VOPP1: variants seen among roughly 807,000 people sequenced by gnomAD.
VOPP1 encodes VOPP1 WW domain binding protein.
Under a neutral mutation model 23.5 loss-of-function variants are expected in VOPP1, and 8 were observed. The observed-to-expected ratio is 0.34, with a 90% CI of 0.20 to 0.61. The LOEUF is 0.61. Among genes scored for constraint, VOPP1 ranks in the 20% least tolerant of loss-of-function variants. The pLI, the probability that VOPP1 is intolerant of heterozygous loss-of-function variation, is 0.78. For missense variants in VOPP1, 174 were observed against 238.1 expected (o/e 0.73, Z 1.77); for synonymous variants, 83 against 97.3 (o/e 0.85, Z 0.86).
chr7:55,497,252 A>C (rs1794018483), intron 3 of VOPP1, among the ~76,000 whole-genome samples: 1 of 152,174 alleles, frequency 6.6e-6, no homozygotes, highest in Admixed American at 6.5e-5. Context: ...TGAAAACTCG[A>C]TCGCCTGCCA....
intron 1 of VOPP1, among the ~76,000 whole-genome samples, chr7:55,525,555 A>G (rs983456920): frequency 9.2e-5 from 14 of 151,998 alleles, no homozygotes; most frequent in African/African-American, 3.4e-4. Flanking sequence ...TTGCATCAAA[A>G]TGCCTGGCCA....
chr7:55,473,003 C>A lies in VOPP1; in HGVS notation c.371G>T (p.Gly124Val), dbSNP rs754101108. 2.5e-6 allele frequency: 4 copies of A among 1,596,564 alleles called. No homozygotes were observed. The South Asian group carries it at 3.4e-5, about 14-fold the overall frequency. The change falls in exon 5 of 5, where the codon GGA becomes GTA. Residue 124 changes from glycine (G) to valine (V), a missense_variant. Gly to Val is a moderately radical substitution (Grantham distance 109, BLOSUM62 -3). Transcript: ENST00000285279. The part of the protein sequence containing the change: ...PGPPYYTDPG[G>V]PGMNPVGNSM... ...ATTCCCGACAGGGTTCATCCCCGGT[C>A]CTCCTGGGTCGGTGTAATAGGGCGG...
chr7:55,554,870 T>C (rs116708243), intron 1 of VOPP1, among the ~76,000 whole-genome samples: 487 of 152,198 alleles, frequency 3.2e-3, no homozygotes, highest in African/African-American at 0.012. Context: ...TTCCCCAGGA[T>C]TTTTCGCAGA....
intron 1 of VOPP1, among the ~76,000 whole-genome samples, chr7:55,523,706 G>T (rs539910407): frequency 6.6e-6 from 1 of 152,036 alleles, no homozygotes; most frequent in African/African-American, 2.4e-5. Context: ...ACTTCTCTTT[G>T]TTCTTCACAC....
rs928974209 is a variant in VOPP1, at chr7:55,552,624, G to C, written c.54+19647C>G. On this transcript the variant is annotated intron_variant, in intron 1 of 4. Transcript: ENST00000285279. ...AAAAGAAAGTGCTGGAACCAGGTCTGTGTGGCTCCAAAGTTGCCCTTTTCC... is the reference window on the plus strand; with the variant it reads ...AAAAGAAAGTGCTGGAACCAGGTCTCTGTGGCTCCAAAGTTGCCCTTTTCC... The C allele has an allele frequency of 4.6e-6, 7 of 1,536,026 alleles. No individual in the cohort carries two copies. In the South Asian group the frequency reaches 8.3e-5, roughly 18 times the overall value.
chr7:55,468,411 G>A (rs554175601), downstream of VOPP1, among the ~76,000 whole-genome samples: 3 of 152,328 alleles, frequency 2.0e-5, no homozygotes, highest in African/African-American at 7.2e-5. Context: ...AGTGCTGGCT[G>A]CCCCAAGAGG....
chr7:55,492,452 C>A, intron 3 of VOPP1, 34 bp from the exon 4 acceptor site: 2 of 1,579,684 alleles, frequency 1.3e-6, no homozygotes, highest in Admixed American at 1.7e-5. Context: ...GTGGTGCTCC[C>A]AGGTGGGGGC....
intron 1 of VOPP1, 128 bp from the exon 2 acceptor site, chr7:55,521,258 C>A: frequency 1.1e-6 from 1 of 920,396 alleles, no homozygotes; most frequent in Non-Finnish European, 1.6e-6. Context: ...GATATCGGGG[C>A]AGACAATGCA....
At position 55,471,682 on chromosome 7, in the gene VOPP1, C is replaced by G. The variant is rs1223357556; in HGVS notation, c.*1173G>C. The stretch of plus-strand genomic sequence containing the variant: ...TGAGATCCTGGGGTGAGCTGTGATT[C>G]CTATCCAGGAATGTGCATTTCCGAC... On this transcript the variant is annotated 3_prime_UTR_variant, in exon 5 of 5. Transcript: ENST00000285279. 1 of 151,856 alleles carries G rather than the reference C, an allele frequency of 6.6e-6. No individual in the cohort carries two copies. The highest frequency in any genetic ancestry group is 1.5e-5 in the Non-Finnish European group (1 of 67,990). 9.4% of individuals were successfully genotyped at this position (151,856 alleles called of 1,614,324 possible). A position where few individuals can be genotyped will look rare whatever the true frequency, so the allele number is the denominator to read the frequency against.
intron 4 of VOPP1, among the ~76,000 whole-genome samples, chr7:55,483,960 T>C (rs143530139): frequency 0.015 from 2,285 of 152,272 alleles, 63 homozygotes; most frequent in African/African-American, 0.05. Flanking sequence ...TTTCATCATA[T>C]CGGTCAGGCT....
At position 55,523,673 on chromosome 7, in the gene VOPP1, T is replaced by C. The variant is rs141149514; in HGVS notation, c.55-2543A>G. 4.9e-4 allele frequency among the ~76,000 whole-genome samples: 75 copies of C among 152,272 alleles called. No individual in the cohort carries two copies. The East Asian group carries it at 0.014, about 27-fold the overall frequency. ...CTCTTTCAAAACAATCCCTTACATT[T>C]CTCCTTTTTATAAAACTTCCAAACT... On this transcript the variant is annotated intron_variant, in intron 1 of 4. Coordinates refer to ENST00000285279, the MANE Select transcript of VOPP1 (RefSeq NM_030796.5).
At chr7:55,543,418 T>C (rs1308975274) in intron 1 of VOPP1, among the ~76,000 whole-genome samples, 1 of 152,158 alleles carries the variant, frequency 6.6e-6, no homozygotes, top group Non-Finnish European at 1.5e-5. Context: ...AAATCCTTTG[T>C]CCATTTAAAA....
At chr7:55,513,706 G>A (rs953023968) in intron 2 of VOPP1, among the ~76,000 whole-genome samples, 2 of 152,110 alleles carry the variant, frequency 1.3e-5, no homozygotes, top group Non-Finnish European at 2.9e-5. Context: ...ATGGTCTTAG[G>A]GTTTCCCGGC....
intron 4 of VOPP1, among the ~76,000 whole-genome samples, chr7:55,482,222 G>A (rs969360434): frequency 6.6e-6 from 1 of 151,920 alleles, no homozygotes; most frequent in Non-Finnish European, 1.5e-5. Flanking sequence ...GAATTGGACT[G>A]CAGACTGTAT....
At chr7:55,490,927 G>A (rs777309475) in intron 4 of VOPP1, among the ~76,000 whole-genome samples, 2 of 152,190 alleles carry the variant, frequency 1.3e-5, no homozygotes, top group Non-Finnish European at 2.9e-5. Context: ...GAAAAAAGCT[G>A]TAAAAGAACA....
At chr7:55,476,006 G>A (rs796658814) in intron 4 of VOPP1, among the ~76,000 whole-genome samples, 21 of 152,296 alleles carry the variant, frequency 1.4e-4, no homozygotes, top group African/African-American at 3.4e-4. Flanking sequence ...GATGACAGGC[G>A]TCTCTTGAAA....
chr7:55,460,925 T>C lies in VOPP1; in HGVS notation n.418-24751A>G, dbSNP rs1791484745. 2.6e-5 allele frequency among the ~76,000 whole-genome samples: 4 copies of C among 152,156 alleles called. No individual in the cohort carries two copies. In the South Asian group the frequency reaches 8.3e-4, roughly 32 times the overall value. ...CATATAGTTGGGTTATTTTTAAAAA[T>C]GCATTCAGTGGCACCAACCCAAATG... is the stretch of plus-strand genomic sequence containing the variant. On this transcript the variant is annotated intron_variant and non_coding_transcript_variant, in intron 4 of 4. Transcript: ENST00000462326.
At chr7:55,556,642 C>G (rs959030605) in intron 1 of VOPP1, among the ~76,000 whole-genome samples, 4 of 151,038 alleles carry the variant, frequency 2.6e-5, no homozygotes, top group African/African-American at 7.3e-5. Context: ...TGGAACCCCC[C>G]CCCAAAACAC....
intron 2 of VOPP1, 58 bp downstream of exon 2, chr7:55,521,013 CA>C (rs1795810486): frequency 6.5e-7 from 1 of 1,527,946 alleles, no homozygotes; most frequent in East Asian, 2.5e-5. Context: ...TTTAGCAAGA[CA>C]ATTCCCAGAG....
Sources: gnomAD v4.1 joint callset for allele counts (sites outside exome capture counted in the v4.1 genomes callset) on GRCh38, gnomAD v4.1.1 for gene constraint, MANE v1.5 for transcripts, NCBI Gene and HGNC (gene_info 2026-07-23, HGNC 2026-07-21) for gene names.